TRAFD1: variants seen among roughly 807,000 people sequenced by gnomAD.
TRAFD1 encodes the protein TRAF-type zinc finger domain containing 1.
In TRAFD1, 38 loss-of-function variants were observed where a neutral mutation model predicts 65.3. That is an observed-to-expected ratio of 0.58 (90% CI 0.45 to 0.76). TRAFD1 has a LOEUF of 0.76. TRAFD1 is among the 30% of genes least tolerant of loss of function. TRAFD1 has a pLI of 0.00. For synonymous variants in TRAFD1, 223 were observed against 257.2 expected (o/e 0.87, Z 1.27); for missense variants, 631 against 712.6 (o/e 0.89, Z 1.30).
At chr12:112,126,891 T>G (rs1372064469) in intron 1 of TRAFD1, among the ~76,000 whole-genome samples, 1 of 152,146 alleles carries the variant, frequency 6.6e-6, no homozygotes, top group Non-Finnish European at 1.5e-5. Context: ...AGACCTCCAG[T>G]GATCTGCCCA....
intron 8 of TRAFD1, among the ~76,000 whole-genome samples, chr12:112,148,634 T>C (rs2030321523): frequency 6.6e-6 from 1 of 152,170 alleles, no homozygotes. Flanking sequence ...TTTTTCCCAT[T>C]GTGGTGGCAT....
Position 112,151,907 on chromosome 12 carries a change from T to C in TRAFD1, c.1386T>C (p.Tyr462=). The change falls in exon 10 of 12, where the codon TAT becomes TAC. Residue 462 remains tyrosine (Y), a synonymous_variant. Transcript: ENST00000412615. ...SRPINNMTAT[Y]NQLSRSTSGP... The stretch of plus-strand genomic sequence containing the variant: ...CCATTAACAATATGACAGCTACCTA[T>C]AACCAGCTATCGAGATCAACATCAG... 6.2e-7 allele frequency: 1 copy of C among 1,614,152 alleles called. No homozygotes were observed. The highest frequency in any genetic ancestry group is 1.3e-5 in the African/African-American group (1 of 75,032).
chr12:112,136,066 T>C (rs1316209903), intron 4 of TRAFD1, among the ~76,000 whole-genome samples: 3 of 150,438 alleles, frequency 2.0e-5, no homozygotes, highest in Non-Finnish European at 4.4e-5. Context: ...AAGGCAGAGG[T>C]TGCAGTGAGC....
intron 8 of TRAFD1, chr12:112,149,535 C>A: frequency 1.9e-6 from 1 of 522,900 alleles, no homozygotes; most frequent in Admixed American, 3.4e-5. Flanking sequence ...TTCCCGCATC[C>A]CTGCACAAAT....
intron 4 of TRAFD1, among the ~76,000 whole-genome samples, chr12:112,139,107 G>A (rs1382611308): frequency 2.0e-5 from 3 of 152,156 alleles, no homozygotes; most frequent in Non-Finnish European, 2.9e-5. Flanking sequence ...GAAGGCCAAG[G>A]TAGGAGGACT....
intron 6 of TRAFD1, 50 bp downstream of exon 6, chr12:112,142,345 T>C (rs780093807): frequency 1.3e-6 from 2 of 1,542,968 alleles, no homozygotes; most frequent in Admixed American, 1.9e-5. Flanking sequence ...TTTTTGTAAG[T>C]CTTAGGTTAT....
rs2030342980 is a variant in TRAFD1, at chr12:112,149,512, C to T, written c.1159-239C>T. On this transcript the variant is annotated intron_variant, in intron 8 of 11. Coordinates refer to ENST00000412615, the MANE Select transcript of TRAFD1 (RefSeq NM_006700.3). Reference sequence around the variant, plus strand: ...AAAGAAATAAATGTTTTTCTGGGCTCCAAGATCAGCCCTTCCCGCATCCCT... The same window carrying T: ...AAAGAAATAAATGTTTTTCTGGGCTTCAAGATCAGCCCTTCCCGCATCCCT... The T allele has an allele frequency of 1.3e-5, 5 of 396,876 alleles. No individual in the cohort carries two copies. In the Admixed American group the frequency reaches 1.6e-4, roughly 13 times the overall value. The allele number at this position is 396,876 out of a possible 1,614,324, so 24.6% of individuals were successfully genotyped here.
At chr12:112,144,312 C>G (rs2030177925) in intron 6 of TRAFD1, among the ~76,000 whole-genome samples, 1 of 151,402 alleles carries the variant, frequency 6.6e-6, no homozygotes, top group Non-Finnish European at 1.5e-5. Context: ...CTCTGTTGCC[C>G]AGGCTGGAGT....
In TRAFD1 at chr12:112,133,707, C is replaced by CT. The variant is rs1294001209; in HGVS notation, c.48-1014dup. ...ACAGAAGAGCCTTCAGGATTTAGTT[C>CT]TTTTTTTTTTTTTTTTTGATACGGA... On this transcript the variant is annotated intron_variant, in intron 2 of 11. Transcript: ENST00000412615. Among the ~76,000 whole-genome samples the CT allele has an allele frequency of 5.1e-3, 694 of 135,598 alleles. 3 individuals are homozygous for CT. The highest frequency in any genetic ancestry group is 5.7e-3 in the African/African-American group (214 of 37,446). 89.0% of individuals were successfully genotyped at this position (135,598 alleles called of 152,430 possible).
chr12:112,135,825 G>GTTT (rs753306363), intron 4 of TRAFD1, among the ~76,000 whole-genome samples: 4 of 131,594 alleles, frequency 3.0e-5, no homozygotes, highest in Admixed American at 1.6e-4. Context: ...CTGGCCAAAG[G>GTTT]TTTTTTTTTT....
intron 9 of TRAFD1, 152 bp downstream of exon 9, chr12:112,150,023 G>A (rs1313826710): frequency 7.9e-6 from 9 of 1,141,474 alleles, no homozygotes; most frequent in African/African-American, 1.6e-5. Flanking sequence ...TCTGCAGGTA[G>A]TTGTGGTCCC....
chr12:112,131,103 T>G (rs1191962312), intron 2 of TRAFD1, among the ~76,000 whole-genome samples: 1 of 152,256 alleles, frequency 6.6e-6, no homozygotes, highest in African/African-American at 2.4e-5. Context: ...GGTTACAATA[T>G]TCTTTACCTG....
chr12:112,132,532 A>G (rs1268223497), intron 2 of TRAFD1, among the ~76,000 whole-genome samples: 1 of 152,234 alleles, frequency 6.6e-6, no homozygotes, highest in Admixed American at 6.5e-5. Flanking sequence ...TTTGAGAGAA[A>G]TATGGGAAGT....
At position 112,148,136 on chromosome 12, in the gene TRAFD1, G is replaced by A. The variant is rs371670866; in HGVS notation, c.990G>A (p.Gly330=). 1.0e-4 allele frequency: 167 copies of A among 1,614,146 alleles called. No homozygotes were observed. The highest frequency in any genetic ancestry group is 1.3e-4 in the Non-Finnish European group (159 of 1,179,998). Residue 330 remains glycine (G), a synonymous_variant, in exon 8 of 12, where the codon GGG becomes GGA. Transcript: ENST00000412615. Reference sequence around the variant, plus strand: ...ATACTGGCAGCTCTTCCCCCAGAGGGGTGGAGGAACCTGATGTCATCTTCC... The same window carrying A: ...ATACTGGCAGCTCTTCCCCCAGAGGAGTGGAGGAACCTGATGTCATCTTCC... ...SLNTGSSSPR[G]VEEPDVIFQN...
At position 112,152,582 on chromosome 12, in the gene TRAFD1, G is replaced by A; in HGVS notation, c.1692+83G>A. 1 of 1,598,894 alleles carries A rather than the reference G, an allele frequency of 6.3e-7. No individual in the cohort carries two copies. The highest frequency in any genetic ancestry group is 8.6e-7 in the Non-Finnish European group (1 of 1,168,634). On this transcript the variant is annotated intron_variant, in intron 11 of 11. Coordinates refer to ENST00000412615, the MANE Select transcript of TRAFD1 (RefSeq NM_006700.3). The surrounding 1 kb of genome is among the most constrained non-coding windows in gnomAD (Gnocchi z 5.0). Reference sequence around the variant, plus strand: ...TGTGGCTCCTGAAGTTGTAGAAGTTGTTGGGACCAGGCTGGTTGTGGTTCA... The same window carrying A: ...TGTGGCTCCTGAAGTTGTAGAAGTTATTGGGACCAGGCTGGTTGTGGTTCA...
At chr12:112,139,275 A>C (rs1488372360) in intron 4 of TRAFD1, among the ~76,000 whole-genome samples, 1 of 151,980 alleles carries the variant, frequency 6.6e-6, no homozygotes, top group Non-Finnish European at 1.5e-5. Context: ...GCTTGAGCCC[A>C]GGAGGTCAAG....
intron 4 of TRAFD1, among the ~76,000 whole-genome samples, chr12:112,135,465 G>A (rs1025744690): frequency 5.3e-5 from 8 of 152,084 alleles, no homozygotes; most frequent in African/African-American, 1.9e-4. Context: ...ACGGAGTCTT[G>A]TTCTGTTGCC....
intron 4 of TRAFD1, among the ~76,000 whole-genome samples, chr12:112,135,509 C>T (rs1240562226): frequency 6.6e-6 from 1 of 151,858 alleles, no homozygotes; most frequent in Non-Finnish European, 1.5e-5. Flanking sequence ...TCTCGGCTTA[C>T]TGCAACCTCT....
In TRAFD1 at chr12:112,152,152, T is replaced by C. The variant is rs1593875024; in HGVS notation, c.1619+12T>C. ...AGATACGGAGCTAGGTAAGAATCAG[T>C]AGCCCAGGAATGGGGCTTGGGAGTA... On this transcript the variant is annotated intron_variant, in intron 10 of 11. Coordinates refer to ENST00000412615, the MANE Select transcript of TRAFD1 (RefSeq NM_006700.3). The surrounding 1 kb of genome is among the most constrained non-coding windows in gnomAD (Gnocchi z 5.0). 1.2e-6 allele frequency: 2 copies of C among 1,603,654 alleles called. No homozygotes were observed. Among genetic ancestry groups the C allele is most frequent in the Admixed American group, 1.7e-5 (1 of 59,620 alleles).
Sources: gnomAD v4.1 joint callset for allele counts (sites outside exome capture counted in the v4.1 genomes callset) on GRCh38, gnomAD v4.1.1 for gene constraint, Gnocchi (gnomAD v3.1) non-coding constraint, MANE v1.5 for transcripts, NCBI Gene and HGNC (gene_info 2026-07-23, HGNC 2026-07-21) for gene names.